Variants in WDR70 observed in about 807,000 individuals in gnomAD.
The protein encoded by WDR70 is WD repeat domain 70, also known as WD repeat-containing protein 70.
In WDR70, 53 loss-of-function variants were observed where a neutral mutation model predicts 88.6. The observed-to-expected ratio is 0.60, with a 90% CI of 0.48 to 0.75. The LOEUF (loss-of-function observed/expected upper bound fraction) is 0.75, where lower values mean the gene tolerates loss of function less well. Among genes scored for constraint, WDR70 ranks in the 30% least tolerant of loss-of-function variants. The pLI is 0.00. For missense variants in WDR70, 610 were observed against 823.2 expected (o/e 0.74, Z 3.17); for synonymous variants, 280 against 270.0 (o/e 1.04, Z -0.36).
chr5:37,536,617 A>G (rs1741673463), intron 9 of WDR70, among the ~76,000 whole-genome samples: 1 of 152,116 alleles, frequency 6.6e-6, no homozygotes, highest in Non-Finnish European at 1.5e-5. Flanking sequence ...TAATTTTATC[A>G]TAGGTGTTGA....
At chr5:37,727,576 T>C (rs1432062581) in intron 17 of WDR70, among the ~76,000 whole-genome samples, 1 of 152,142 alleles carries the variant, frequency 6.6e-6, no homozygotes, top group Non-Finnish European at 1.5e-5. Context: ...TCCGTTTTTA[T>C]TTTTATTTAT....
intron 10 of WDR70, among the ~76,000 whole-genome samples, chr5:37,659,929 A>G (rs180759094): frequency 1.4e-3 from 220 of 152,346 alleles, no homozygotes; most frequent in African/African-American, 4.9e-3. Context: ...ACAAGCATTC[A>G]GTTCATAACA....
Position 37,722,892 on chromosome 5 carries a change from G to T in WDR70, c.1555G>T (p.Ala519Ser). Residue 519 changes from alanine to serine, a missense_variant, in exon 15 of 18, where the codon GCA (alanine) becomes TCA (serine). This residue lies in a region of WDR70 where 254 missense variants were observed against 300.7 expected (regional missense o/e 0.84). Coordinates refer to ENST00000265107, the MANE Select transcript of WDR70 (RefSeq NM_018034.4). ...ATGTGTGGTTAAAACCCAGCGGAAG[G>T]CAAAACAAGCTGAGACTCTAACTCA... is the stretch of plus-strand genomic sequence containing the variant. The part of the protein sequence containing the change: ...KLCVVKTQRK[A>S]KQAETLTQDY... The T allele has an allele frequency of 6.2e-7, 1 of 1,613,584 alleles. No homozygotes were observed. The highest frequency in any genetic ancestry group is 8.5e-7 in the Non-Finnish European group (1 of 1,179,654).
chr5:37,686,855 T>C (rs1229584733), intron 10 of WDR70, among the ~76,000 whole-genome samples: 1 of 150,940 alleles, frequency 6.6e-6, no homozygotes, highest in Non-Finnish European at 1.5e-5. Flanking sequence ...CTTGATATTC[T>C]CCAAATCATA....
Position 37,515,329 on chromosome 5 carries a change from C to A in WDR70, c.841-1185C>A, listed in dbSNP as rs1047159250. Among the ~76,000 whole-genome samples the A allele has an allele frequency of 7.2e-5, 11 of 152,278 alleles. No homozygotes were observed. The Middle Eastern group carries it at 0.01, about 142-fold the overall frequency. ...AGAAACTGATTGAAAATAAAGTGGGCAGAAAGAATCAAGATTTTCCCTGTA... is the reference window on the plus strand; with the variant it reads ...AGAAACTGATTGAAAATAAAGTGGGAAGAAAGAATCAAGATTTTCCCTGTA... On this transcript the variant is annotated intron_variant, in intron 8 of 17. Coordinates refer to ENST00000265107, the MANE Select transcript of WDR70 (RefSeq NM_018034.4).
chr5:37,707,877 G>A (rs1217302480), intron 13 of WDR70, among the ~76,000 whole-genome samples: 1 of 132,156 alleles, frequency 7.6e-6, no homozygotes, highest in African/African-American at 2.8e-5. Flanking sequence ...TGGCGCCACT[G>A]CACTCCAGCC....
At chr5:37,651,853 T>G (rs1351595442) in intron 10 of WDR70, among the ~76,000 whole-genome samples, 1 of 152,220 alleles carries the variant, frequency 6.6e-6, no homozygotes, top group Non-Finnish European at 1.5e-5. Flanking sequence ...AGATTCTGGA[T>G]ATTAGCCCTT....
At chr5:37,585,025 C>G (rs1436563254) in intron 9 of WDR70, among the ~76,000 whole-genome samples, 2 of 148,338 alleles carry the variant, frequency 1.3e-5, no homozygotes, top group Non-Finnish European at 3.0e-5. Context: ...GAGTTTCACT[C>G]TGTTGCCTAG....
At chr5:37,427,325 C>G (rs1157882785) in intron 5 of WDR70, among the ~76,000 whole-genome samples, 1 of 151,836 alleles carries the variant, frequency 6.6e-6, no homozygotes, top group Non-Finnish European at 1.5e-5. Context: ...GGAGGCGGAG[C>G]TTGCACTGAG....
At chr5:37,522,024 C>T (rs1158383538) in intron 9 of WDR70, among the ~76,000 whole-genome samples, 1 of 152,104 alleles carries the variant, frequency 6.6e-6, no homozygotes, top group Non-Finnish European at 1.5e-5. Context: ...GCATCCCCAC[C>T]AACATCTATT....
At chr5:37,384,173 C>CTTTTTTTT (rs57075180) in intron 3 of WDR70, among the ~76,000 whole-genome samples, 2 of 107,870 alleles carry the variant, frequency 1.9e-5, no homozygotes, top group African/African-American at 3.4e-5. Flanking sequence ...ACTTTCCCCC[C>CTTTTTTTT]TTTTTTTTTT....
intron 13 of WDR70, among the ~76,000 whole-genome samples, chr5:37,704,702 G>A (rs1410105721): frequency 6.6e-6 from 1 of 152,146 alleles, no homozygotes; most frequent in African/African-American, 2.4e-5. Context: ...CACATAAATA[G>A]CTCTTAATAT....
rs1030386233 is a variant in WDR70 at position 37,724,863 on chromosome 5, A to T, written c.1598-71A>T. On this transcript the variant is annotated intron_variant, in intron 15 of 17. Coordinates refer to ENST00000265107, the MANE Select transcript of WDR70 (RefSeq NM_018034.4). ...CTTCCATTTCATCTTTCAGTTAGTC[A>T]TGCTTTAACTATGTTTTTGGATGGG... 3.4e-5 allele frequency: 44 copies of T among 1,310,240 alleles called. No homozygotes were observed. In the African/African-American group the frequency reaches 6.0e-4, roughly 18 times the overall value. 81.2% of individuals were successfully genotyped at this position (1,310,240 alleles called of 1,614,324 possible).
chr5:37,696,901 T>C (rs192922324), intron 10 of WDR70, among the ~76,000 whole-genome samples: 13 of 152,300 alleles, frequency 8.5e-5, no homozygotes, highest in Admixed American at 2.6e-4. Flanking sequence ...AAAAATACTA[T>C]TAAGATAAAT....
chr5:37,660,786 A>G (rs1050084026), intron 10 of WDR70, among the ~76,000 whole-genome samples: 1 of 151,894 alleles, frequency 6.6e-6, no homozygotes, highest in African/African-American at 2.4e-5. Flanking sequence ...GCTGTCCCAT[A>G]TATGTGACTA....
At chr5:37,563,518 C>T (rs1436766108) in intron 9 of WDR70, among the ~76,000 whole-genome samples, 1 of 64,634 alleles carries the variant, frequency 1.5e-5, no homozygotes. Context: ...CAGAGGCGCC[C>T]CTCACCTCCC....
chr5:37,701,174 A>G (rs541084088), intron 12 of WDR70, 32 bp downstream of exon 12: 3 of 1,358,254 alleles, frequency 2.2e-6, no homozygotes, highest in Admixed American at 3.5e-5. Flanking sequence ...TTTGATCAGC[A>G]TAGAAGAATG....
At chr5:37,496,326 C>G (rs1740213418) in intron 8 of WDR70, among the ~76,000 whole-genome samples, 1 of 152,180 alleles carries the variant, frequency 6.6e-6, no homozygotes. Flanking sequence ...GCTGCTCACT[C>G]TGGGTCCGCA....
chr5:37,713,529 A>G (rs578186904), intron 13 of WDR70, among the ~76,000 whole-genome samples: 6 of 152,076 alleles, frequency 3.9e-5, no homozygotes, highest in African/African-American at 1.2e-4. Context: ...TTGTGTAGAC[A>G]TGATTGCCAT....
Sources: gnomAD v4.1 joint callset for allele counts (sites outside exome capture counted in the v4.1 genomes callset) on GRCh38, gnomAD v4.1.1 for gene constraint, gnomAD v4.1.1 regional missense constraint, MANE v1.5 for transcripts, NCBI Gene and HGNC (gene_info 2026-07-23, HGNC 2026-07-21) for gene names.